The following MARCHF1 variants were observed in gnomAD, a reference collection of about 807,000 sequenced individuals.
MARCHF1 encodes the protein E3 ubiquitin-protein ligase MARCHF1.
Under a neutral mutation model 54.2 loss-of-function variants are expected in MARCHF1, and 40 were observed. The ratio of observed to expected loss-of-function variants is 0.74; its 90% CI spans 0.57 to 0.96. The LOEUF (loss-of-function observed/expected upper bound fraction) is 0.96. Ranked by LOEUF, MARCHF1 falls within the 40% of genes least tolerant of loss-of-function variation. MARCHF1 has a pLI of 0.00. For synonymous variants in MARCHF1, 236 were observed against 236.3 expected, an observed-to-expected ratio of 1.00 and a Z score of 0.01; for missense variants, 586 against 656.5, an observed-to-expected ratio of 0.89 and a Z score of 1.17.
intron 3 of MARCHF1, among the ~76,000 whole-genome samples, chr4:163,949,581 C>T (rs1301238354): frequency 6.6e-6 from 1 of 152,302 alleles, no homozygotes; most frequent in African/African-American, 2.4e-5. Context: ...GTTACACAGA[C>T]AAGTGGAGGG....
intron 1 of MARCHF1, among the ~76,000 whole-genome samples, chr4:164,257,813 C>T (rs1249886428): frequency 2.6e-5 from 4 of 152,028 alleles, no homozygotes; most frequent in African/African-American, 9.7e-5. Flanking sequence ...ACTAAAAATA[C>T]AAAATATTAG....
chr4:164,042,115 T>A (rs899088989), intron 2 of MARCHF1, among the ~76,000 whole-genome samples: 1 of 152,164 alleles, frequency 6.6e-6, no homozygotes, highest in South Asian at 2.1e-4. Context: ...AGACTGAATA[T>A]GTTTACCATT....
chr4:164,157,149 T>A (rs985677), intron 1 of MARCHF1, among the ~76,000 whole-genome samples: 22,285 of 151,684 alleles, frequency 0.15, 2,187 homozygotes, highest in African/African-American at 0.26. Context: ...AGAACTATAA[T>A]TTATAAATTT....
At chr4:163,887,312 G>A (rs1750560618) in intron 3 of MARCHF1, among the ~76,000 whole-genome samples, 1 of 152,046 alleles carries the variant, frequency 6.6e-6, no homozygotes, top group East Asian at 1.9e-4. Context: ...AATCTAGAAT[G>A]AGATGGAGCC....
At chr4:163,579,755 A>G (rs1235001136) in intron 8 of MARCHF1, among the ~76,000 whole-genome samples, 1 of 152,166 alleles carries the variant, frequency 6.6e-6, no homozygotes, top group Non-Finnish European at 1.5e-5. Context: ...GAGCTATACT[A>G]CGGGAGAAAT....
At chr4:163,906,440 T>C (rs1446739134) in intron 3 of MARCHF1, among the ~76,000 whole-genome samples, 1 of 152,034 alleles carries the variant, frequency 6.6e-6, no homozygotes, top group Non-Finnish European at 1.5e-5. Context: ...GAAAGCTTGT[T>C]AGATATCTGA....
chr4:163,796,029 G>A (rs910562042), intron 4 of MARCHF1, among the ~76,000 whole-genome samples: 15 of 151,990 alleles, frequency 9.9e-5, no homozygotes, highest in African/African-American at 2.7e-4. Context: ...CTTTATCCTC[G>A]TCTTCACATT....
intron 2 of MARCHF1, among the ~76,000 whole-genome samples, chr4:164,064,467 A>G (rs558767078): frequency 1.3e-5 from 2 of 152,252 alleles, no homozygotes; most frequent in African/African-American, 4.8e-5. Flanking sequence ...TTGTTGGTTT[A>G]TAGGAATGCT....
intron 2 of MARCHF1, among the ~76,000 whole-genome samples, chr4:163,993,711 A>G (rs1753009809): frequency 6.6e-6 from 1 of 152,162 alleles, no homozygotes; most frequent in Admixed American, 6.6e-5. Context: ...GAGTCTTTCA[A>G]ATAACACTAT....
intron 4 of MARCHF1, among the ~76,000 whole-genome samples, chr4:163,749,186 G>A (rs1023670519): frequency 6.6e-6 from 1 of 151,186 alleles, no homozygotes. Context: ...TTGATTTCAC[G>A]ATTTCATTTT....
At chr4:163,959,518 A>G (rs1362786040) in intron 3 of MARCHF1, among the ~76,000 whole-genome samples, 1 of 151,996 alleles carries the variant, frequency 6.6e-6, no homozygotes, top group Non-Finnish European at 1.5e-5. Flanking sequence ...CCACACGTTT[A>G]TGACCATCTG....
At chr4:163,898,605 C>G (rs965689548) in intron 3 of MARCHF1, among the ~76,000 whole-genome samples, 1 of 152,110 alleles carries the variant, frequency 6.6e-6, no homozygotes, top group Non-Finnish European at 1.5e-5. Flanking sequence ...TTAGTTCAAC[C>G]TCTCTGGAAA....
intron 2 of MARCHF1, among the ~76,000 whole-genome samples, chr4:164,054,709 A>G (rs1402860174): frequency 7.0e-6 from 1 of 143,018 alleles, no homozygotes; most frequent in Non-Finnish European, 1.5e-5. Flanking sequence ...ATTCTCACTC[A>G]TAGGTGGGAA....
chr4:163,718,796 C>T (rs969775910), intron 4 of MARCHF1, among the ~76,000 whole-genome samples: 2 of 151,974 alleles, frequency 1.3e-5, no homozygotes, highest in Admixed American at 6.6e-5. Flanking sequence ...TTTATCCCAA[C>T]TTTCTGAAGA....
intron 1 of MARCHF1, among the ~76,000 whole-genome samples, chr4:164,297,296 T>C (rs7664332): frequency 0.26 from 40,259 of 152,016 alleles, 5,754 homozygotes; most frequent in Admixed American, 0.39. Flanking sequence ...CTGAGAAAGG[T>C]AACTTCATAG....
At chr4:164,371,625 T>C (rs1731039328) in intron 1 of MARCHF1, among the ~76,000 whole-genome samples, 1 of 152,186 alleles carries the variant, frequency 6.6e-6, no homozygotes. Flanking sequence ...TGAAGTCTTA[T>C]ATACATGAAA....
chr4:164,206,868 GA>G (rs1364758309), intron 1 of MARCHF1, among the ~76,000 whole-genome samples: 1 of 151,304 alleles, frequency 6.6e-6, no homozygotes, highest in Non-Finnish European at 1.5e-5. Context: ...AATAACAAAG[GA>G]AAAAACTCTG....
chr4:164,360,592 C>G (rs951061429), intron 1 of MARCHF1, among the ~76,000 whole-genome samples: 1 of 152,040 alleles, frequency 6.6e-6, no homozygotes, highest in Admixed American at 6.6e-5. Flanking sequence ...GTTTAAGTGT[C>G]GATTTTTCAG....
intron 2 of MARCHF1, among the ~76,000 whole-genome samples, chr4:164,023,191 T>A (rs1579468366): frequency 6.6e-6 from 1 of 152,194 alleles, no homozygotes; most frequent in African/African-American, 2.4e-5. Context: ...AAAAGGTATG[T>A]TCTGTCTCCT....
Sources: gnomAD v4.1 joint callset for allele counts (sites outside exome capture counted in the v4.1 genomes callset) on GRCh38, gnomAD v4.1.1 for gene constraint, MANE v1.5 for transcripts, NCBI Gene and HGNC (gene_info 2026-07-23, HGNC 2026-07-21) for gene names.